FNIP2: variants seen among roughly 807,000 people sequenced by gnomAD.
FNIP2 encodes folliculin interacting protein 2.
FNIP2 carries 32 observed loss-of-function variants against 108.7 expected under a neutral mutation model. The ratio of observed to expected loss-of-function variants is 0.29; its 90% CI spans 0.22 to 0.40. The LOEUF is 0.40. Ranked by LOEUF, FNIP2 falls within the 10% of genes least tolerant of loss-of-function variation. The pLI, the probability that FNIP2 is intolerant of heterozygous loss-of-function variation, is 1.00. For missense variants in FNIP2, 1,202 were observed against 1,381.6 expected (o/e 0.87, Z 2.06); for synonymous variants, 480 against 496.7 (o/e 0.97, Z 0.45).
chr4:158,868,377 C>G lies in FNIP2; in HGVS notation c.1741C>G (p.Pro581Ala). The change falls in exon 13 of 17, where the codon CCC becomes GCC. Residue 581 changes from proline (P) to alanine (A), a missense_variant. Coordinates refer to ENST00000264433, the MANE Select transcript of FNIP2 (RefSeq NM_020840.3). This position sits in a 1 kb window ranked among gnomAD's most constrained non-coding sequence, Gnocchi z 4.6. ...GAGGAACGAGCCCGCTCTTGTACCC[C>G]CCATCCTACCACCAACAGCAGCAGA... ...TVRNEPALVP[P>A]ILPPTAAERH... 1 of 1,613,982 alleles carries G rather than the reference C, an allele frequency of 6.2e-7. No homozygotes were observed. The highest frequency in any genetic ancestry group is 8.5e-7 in the Non-Finnish European group (1 of 1,179,894).
At chr4:158,875,296 G>T (rs1781206318) in intron 14 of FNIP2, among the ~76,000 whole-genome samples, 1 of 151,572 alleles carries the variant, frequency 6.6e-6, no homozygotes, top group African/African-American at 2.4e-5. Context: ...TGCAGGGCAG[G>T]GTCATCAAGA....
At position 158,906,297 on chromosome 4, in the gene FNIP2, C is replaced by A. The variant is rs1185527431; in HGVS notation, c.*1753C>A. On this transcript the variant is annotated 3_prime_UTR_variant, in exon 17 of 17. Transcript: ENST00000264433. ...ATTACGTGTAAATAAACTGTCAGAG[C>A]TGATGTTACAGCTTTTACAGTTTAA... The A allele has an allele frequency of 6.6e-6, 1 of 152,192 alleles. No homozygotes were observed. Among genetic ancestry groups the A allele is most frequent in the Non-Finnish European group, 1.5e-5 (1 of 68,042 alleles). 9.4% of individuals were successfully genotyped at this position (152,192 alleles called of 1,614,324 possible). A position where few individuals can be genotyped will look rare whatever the true frequency, so the allele number is the denominator to read the frequency against.
chr4:158,863,491 A>G (rs962477167), intron 12 of FNIP2, among the ~76,000 whole-genome samples: 1 of 152,150 alleles, frequency 6.6e-6, no homozygotes, highest in African/African-American at 2.4e-5. Flanking sequence ...CAGCACTACC[A>G]GGGAAGAGGG....
At chr4:158,883,661 T>C (rs1273964342) in intron 14 of FNIP2, among the ~76,000 whole-genome samples, 4 of 152,184 alleles carry the variant, frequency 2.6e-5, no homozygotes, top group African/African-American at 4.8e-5. Flanking sequence ...ACACTCCTGC[T>C]CTCTGTAATA....
chr4:158,855,414 G>A (rs1779929697), intron 8 of FNIP2, among the ~76,000 whole-genome samples: 1 of 152,098 alleles, frequency 6.6e-6, no homozygotes, highest in Non-Finnish European at 1.5e-5. Flanking sequence ...GAACATGAGT[G>A]TGGCAGACGT....
At chr4:158,776,421 A>C (rs1409372578) in intron 1 of FNIP2, among the ~76,000 whole-genome samples, 1 of 152,234 alleles carries the variant, frequency 6.6e-6, no homozygotes, top group East Asian at 1.9e-4. Context: ...TTAACACCTT[A>C]TAAATACTTC....
chr4:158,790,705 CCACTG>C (rs1776385292), intron 1 of FNIP2, among the ~76,000 whole-genome samples: 1 of 152,124 alleles, frequency 6.6e-6, no homozygotes, highest in Non-Finnish European at 1.5e-5. Flanking sequence ...TGTGATTGCA[CCACTG>C]CACTCCAGCC....
intron 15 of FNIP2, chr4:158,893,763 A>C (rs1553966573): frequency 7.3e-7 from 1 of 1,378,962 alleles, no homozygotes; most frequent in Non-Finnish European, 1.0e-6. Flanking sequence ...TTACTTCATA[A>C]GTATTTGCCA....
chr4:158,878,705 G>A (rs1781415753), intron 14 of FNIP2, among the ~76,000 whole-genome samples: 1 of 152,140 alleles, frequency 6.6e-6, no homozygotes, highest in Non-Finnish European at 1.5e-5. Flanking sequence ...ATCATCATGA[G>A]TGGAGGGCAA....
intron 15 of FNIP2, among the ~76,000 whole-genome samples, chr4:158,894,866 T>C (rs1782539767): frequency 6.6e-6 from 1 of 152,188 alleles, no homozygotes; most frequent in Non-Finnish European, 1.5e-5. Context: ...CTGATAGATA[T>C]TTTTTCCATG....
chr4:158,866,170 CTTTA>C (rs1780563617), intron 12 of FNIP2, among the ~76,000 whole-genome samples: 1 of 143,018 alleles, frequency 7.0e-6, no homozygotes, highest in African/African-American at 2.6e-5. Flanking sequence ...ATCAGTTCTC[CTTTA>C]TTTAGTATCT....
At chr4:158,817,567 G>T (rs1183482137) in intron 1 of FNIP2, among the ~76,000 whole-genome samples, 1 of 151,864 alleles carries the variant, frequency 6.6e-6, no homozygotes, top group East Asian at 1.9e-4. Flanking sequence ...TCTTTTTTCA[G>T]ACAGTGTCTC....
At chr4:158,785,729 A>G (rs1425114244) in intron 1 of FNIP2, among the ~76,000 whole-genome samples, 1 of 144,734 alleles carries the variant, frequency 6.9e-6, no homozygotes, top group Non-Finnish European at 1.5e-5. Flanking sequence ...TTTTAACTTC[A>G]GAGATTCTCC....
intron 1 of FNIP2, among the ~76,000 whole-genome samples, chr4:158,771,235 T>C (rs1397974687): frequency 6.6e-6 from 1 of 152,180 alleles, no homozygotes; most frequent in Non-Finnish European, 1.5e-5. Context: ...GTGTCCCTGA[T>C]AGAGGTCACC....
At chr4:158,847,605 C>A (rs1779475099) in intron 7 of FNIP2, among the ~76,000 whole-genome samples, 1 of 152,160 alleles carries the variant, frequency 6.6e-6, no homozygotes, top group Non-Finnish European at 1.5e-5. Context: ...CTAGCACAGT[C>A]ACTGCTGTGG....
At chr4:158,770,219 G>A (rs1775651003) in intron 1 of FNIP2, among the ~76,000 whole-genome samples, 1 of 152,122 alleles carries the variant, frequency 6.6e-6, no homozygotes, top group Non-Finnish European at 1.5e-5. Flanking sequence ...ATGCTATTCT[G>A]ATTTCAAGGG....
intron 15 of FNIP2, chr4:158,893,559 T>A: frequency 1.5e-6 from 1 of 656,698 alleles, no homozygotes; most frequent in South Asian, 2.4e-5. Context: ...TTATTTGGGC[T>A]TTAAGCTGAA....
chr4:158,867,354 G>A (rs1279619110), intron 12 of FNIP2, among the ~76,000 whole-genome samples: 2 of 152,038 alleles, frequency 1.3e-5, no homozygotes, highest in East Asian at 1.9e-4. Flanking sequence ...CAGCACGCTC[G>A]CCTAATTTTT....
In FNIP2 at chr4:158,868,595, A is replaced by T. The variant is rs779887175; in HGVS notation, c.1959A>T (p.Lys653Asn). The part of the protein sequence containing the change: ...KPQNAFCGDE[K>N]NKEAPQDGSS... ...AGAATGCATTTTGTGGGGATGAGAA[A>T]AATAAAGAGGCACCGCAAGATGGCT... The change falls in exon 13 of 17, where the codon AAA (lysine) becomes AAT (asparagine). Residue 653 changes from lysine (K) to asparagine (N), a missense_variant. Physicochemically the swap from Lys to Asn is moderately conservative, Grantham distance 94. Coordinates refer to ENST00000264433, the MANE Select transcript of FNIP2 (RefSeq NM_020840.3). This position sits in a 1 kb window ranked among gnomAD's most constrained non-coding sequence, Gnocchi z 4.6. 1.2e-6 allele frequency: 2 copies of T among 1,613,624 alleles called. No homozygotes were observed. The highest frequency in any genetic ancestry group is 2.2e-5 in the South Asian group (2 of 91,038).
Sources: allele counts gnomAD v4.1 joint callset (sites outside exome capture counted in the v4.1 genomes callset), GRCh38; gene constraint gnomAD v4.1.1; non-coding constraint Gnocchi (gnomAD v3.1); transcripts MANE v1.5; gene names NCBI Gene and HGNC (gene_info 2026-07-23, HGNC 2026-07-21).